INPP5A: variants seen among roughly 807,000 people sequenced by gnomAD.
The protein encoded by INPP5A is 43 kDa inositol polyphosphate 5-phophatase.
In INPP5A, 14 loss-of-function variants were observed where a neutral mutation model predicts 65.2. That is an observed-to-expected ratio of 0.21 (90% CI 0.14 to 0.34). The LOEUF (loss-of-function observed/expected upper bound fraction) is 0.34, where lower values mean the gene tolerates loss of function less well. Among genes scored for constraint, INPP5A ranks in the 10% least tolerant of loss-of-function variants. INPP5A has a pLI of 1.00. For missense variants in INPP5A, 431 were observed against 545.6 expected, an observed-to-expected ratio of 0.79 and a Z score of 2.09; for synonymous variants, 207 against 208.3, an observed-to-expected ratio of 0.99 and a Z score of 0.05.
At chr10:132,751,952 C>G (rs1370904134) in intron 11 of INPP5A, among the ~76,000 whole-genome samples, 3 of 146,644 alleles carry the variant, frequency 2.0e-5, no homozygotes, top group Non-Finnish European at 3.0e-5. Context: ...CAGGAGGCGT[C>G]TGCGTGAAAG....
chr10:132,580,836 T>G (rs929068180), intron 1 of INPP5A, among the ~76,000 whole-genome samples: 1 of 152,186 alleles, frequency 6.6e-6, no homozygotes, highest in Admixed American at 6.5e-5. Flanking sequence ...TCAGCATACT[T>G]CCCCCAAATG....
intron 4 of INPP5A, among the ~76,000 whole-genome samples, chr10:132,684,146 A>G (rs1183633713): frequency 6.6e-6 from 1 of 152,134 alleles, no homozygotes; most frequent in African/African-American, 2.4e-5. Flanking sequence ...TGTGAAATCC[A>G]CCTGTGTTTC....
intron 1 of INPP5A, among the ~76,000 whole-genome samples, chr10:132,548,273 A>G (rs2071004374): frequency 6.6e-6 from 1 of 152,106 alleles, no homozygotes; most frequent in African/African-American, 2.4e-5. Flanking sequence ...TGGATCCGGT[A>G]GTCCCCGGAC....
At chr10:132,747,422 C>T (rs1261515060) in intron 9 of INPP5A, among the ~76,000 whole-genome samples, 2 of 152,280 alleles carry the variant, frequency 1.3e-5, no homozygotes, top group African/African-American at 2.4e-5. Flanking sequence ...GGGTGGCCGC[C>T]TCCTGGCCCA....
At chr10:132,712,530 T>C (rs1346610993) in intron 8 of INPP5A, among the ~76,000 whole-genome samples, 1 of 149,386 alleles carries the variant, frequency 6.7e-6, no homozygotes, top group Non-Finnish European at 1.5e-5. Context: ...GGGGGTTGCA[T>C]TGTGTGTGCA....
intron 2 of INPP5A, among the ~76,000 whole-genome samples, chr10:132,626,207 G>A (rs1279370725): frequency 3.9e-5 from 6 of 152,220 alleles, no homozygotes; most frequent in Admixed American, 3.9e-4. Flanking sequence ...ACTGGTCCTG[G>A]ATCCTGCTGT....
In INPP5A at chr10:132,549,075, G is replaced by C. The variant is rs1333919403; in HGVS notation, c.75+10904G>C. Among the ~76,000 whole-genome samples the C allele has an allele frequency of 6.6e-6, 1 of 152,210 alleles. No homozygotes were observed. Among genetic ancestry groups the C allele is most frequent in the African/African-American group, 2.4e-5 (1 of 41,450 alleles). Reference sequence around the variant, plus strand: ...CCCAAGGTGCTGGGATGACAGGTGTGAGCCACTGCGCCTGGGCTTGTCTTC... The same window carrying C: ...CCCAAGGTGCTGGGATGACAGGTGTCAGCCACTGCGCCTGGGCTTGTCTTC... On this transcript the variant is annotated intron_variant, in intron 1 of 15. Coordinates refer to ENST00000368594, the MANE Select transcript of INPP5A (RefSeq NM_005539.5). This position sits in a 1 kb window ranked among gnomAD's most constrained non-coding sequence, Gnocchi z 4.9.
At chr10:132,654,061 C>T (rs551499972) in intron 4 of INPP5A, among the ~76,000 whole-genome samples, 4 of 152,384 alleles carry the variant, frequency 2.6e-5, no homozygotes, top group Admixed American at 6.5e-5. Context: ...CAGAGGCAGC[C>T]GTGCTGTGTC....
intron 1 of INPP5A, among the ~76,000 whole-genome samples, chr10:132,564,558 C>A (rs1299095317): frequency 6.6e-6 from 1 of 152,134 alleles, no homozygotes; most frequent in African/African-American, 2.4e-5. Flanking sequence ...ATAGCACTGG[C>A]AATGGAGGGT....
chr10:132,721,272 G>C (rs1306477357), intron 8 of INPP5A, among the ~76,000 whole-genome samples: 1 of 149,920 alleles, frequency 6.7e-6, no homozygotes, highest in Admixed American at 6.6e-5. Flanking sequence ...TTAGATAGCT[G>C]TCTTGCGGGT....
intron 1 of INPP5A, among the ~76,000 whole-genome samples, chr10:132,585,011 A>G (rs2071530395): frequency 1.3e-5 from 2 of 152,202 alleles, no homozygotes; most frequent in Non-Finnish European, 1.5e-5. Context: ...GTGACATGGA[A>G]CAGTTATTTC....
chr10:132,682,748 C>G (rs2073063210), intron 4 of INPP5A, among the ~76,000 whole-genome samples: 1 of 152,138 alleles, frequency 6.6e-6, no homozygotes, highest in African/African-American at 2.4e-5. Context: ...CTGCCATGAC[C>G]CAGCAATGCT....
rs368996731 is a variant in INPP5A at position 132,703,912 on chromosome 10, C to A, written c.475-4401C>A. 2.3e-3 allele frequency among the ~76,000 whole-genome samples: 282 copies of A among 121,802 alleles called. 2 individuals carry two copies. The highest frequency in any genetic ancestry group is 8.5e-3 in the African/African-American group (260 of 30,696). 79.9% of individuals were successfully genotyped at this position (121,802 alleles called of 152,430 possible). A position where few individuals can be genotyped will look rare whatever the true frequency, so the allele number is the denominator to read the frequency against. ...CCCACACACACACGTGGCTTCACCC[C>A]CACACACACACGCAAGCTTCACCCC... On this transcript the variant is annotated intron_variant, in intron 6 of 15. Coordinates refer to ENST00000368594, the MANE Select transcript of INPP5A (RefSeq NM_005539.5).
At position 132,550,633 on chromosome 10, in the gene INPP5A, C is replaced by T. The variant is rs537742915; in HGVS notation, c.75+12462C>T. Reference sequence around the variant, plus strand: ...GCCAAGCCGGCATTCTGGCTGGGCTCGCTGGCCACAGGACGTCCACTGTAG... The same window carrying T: ...GCCAAGCCGGCATTCTGGCTGGGCTTGCTGGCCACAGGACGTCCACTGTAG... On this transcript the variant is annotated intron_variant, in intron 1 of 15. Coordinates refer to ENST00000368594, the MANE Select transcript of INPP5A (RefSeq NM_005539.5). This position sits in a 1 kb window ranked among gnomAD's most constrained non-coding sequence, Gnocchi z 4.2. 1.9e-3 allele frequency among the ~76,000 whole-genome samples: 297 copies of T among 152,324 alleles called. 8 individuals carry two copies. In the South Asian group the frequency reaches 0.054, roughly 28 times the overall value.
rs1158046002 is a variant in INPP5A at position 132,651,880 on chromosome 10, G to C, written c.306+1375G>C. On this transcript the variant is annotated intron_variant, in intron 4 of 15. Transcript: ENST00000368594. The surrounding 1 kb of genome is among the most constrained non-coding windows in gnomAD (Gnocchi z 5.0). Reference sequence around the variant, plus strand: ...ATCCCCCGTTCGGTCTCCGACCCTCGCCCTGTCAAGCAGCTGCCCACACAC... The same window carrying C: ...ATCCCCCGTTCGGTCTCCGACCCTCCCCCTGTCAAGCAGCTGCCCACACAC... Among the ~76,000 whole-genome samples, 2 of 152,110 alleles carry C rather than the reference G, an allele frequency of 1.3e-5. No homozygotes were observed. The highest frequency in any genetic ancestry group is 2.9e-5 in the Non-Finnish European group (2 of 68,020).
At chr10:132,724,973 A>T (rs1338381804) in intron 8 of INPP5A, among the ~76,000 whole-genome samples, 1 of 148,908 alleles carries the variant, frequency 6.7e-6, no homozygotes, top group Non-Finnish European at 1.5e-5. Flanking sequence ...ACAGGAGCAC[A>T]CGCCATATTC....
intron 8 of INPP5A, 51 bp from the exon 9 acceptor site, chr10:132,726,770 G>A: frequency 7.3e-7 from 1 of 1,366,868 alleles, no homozygotes; most frequent in Non-Finnish European, 1.0e-6. Context: ...CCGGGCATGA[G>A]GGCTGGCCGG....
In INPP5A at chr10:132,537,805, T is replaced by TCGG. The variant is rs2070856910; in HGVS notation, c.-284_-282dup. 1 of 352,922 alleles carries TCGG rather than the reference T, an allele frequency of 2.8e-6. No homozygotes were observed. The highest frequency in any genetic ancestry group is 5.1e-6 in the Non-Finnish European group (1 of 197,946). 21.9% of individuals were successfully genotyped at this position (352,922 alleles called of 1,614,324 possible). ...GGGCGGGACTTGCCCTCAGCCTGAG[T>TCGG]CGGCGGCGGCTGCGGGAACTTTCCC... is the stretch of plus-strand genomic sequence containing the variant. On this transcript the variant is annotated 5_prime_UTR_variant, in exon 1 of 16. Coordinates refer to ENST00000368594, the MANE Select transcript of INPP5A (RefSeq NM_005539.5).
intron 4 of INPP5A, among the ~76,000 whole-genome samples, chr10:132,672,597 C>T (rs912366320): frequency 1.3e-5 from 2 of 152,192 alleles, no homozygotes; most frequent in African/African-American, 4.8e-5. Context: ...CCTTACCAGC[C>T]ATGTGGAACT....
Sources: gnomAD v4.1 joint callset for allele counts (sites outside exome capture counted in the v4.1 genomes callset) on GRCh38, gnomAD v4.1.1 for gene constraint, Gnocchi (gnomAD v3.1) non-coding constraint, MANE v1.5 for transcripts, NCBI Gene and HGNC (gene_info 2026-07-23, HGNC 2026-07-21) for gene names.